Variants in KANK1 observed in about 807,000 individuals in gnomAD.
KANK1 encodes the protein KN motif and ankyrin repeat domain-containing protein 1.
KANK1 carries 109 observed loss-of-function variants against 106.2 expected under a neutral mutation model. The observed-to-expected ratio is 1.03, with a 90% CI of 0.88 to 1.20. The LOEUF (loss-of-function observed/expected upper bound fraction) is 1.20, where lower values mean the gene tolerates loss of function less well. KANK1 is among the 50% of genes most tolerant of loss of function. The probability of loss-of-function intolerance (pLI) is 0.00; values close to 1 mark genes in which losing one functional copy is unlikely to be tolerated. For synonymous variants in KANK1, 873 were observed against 652.2 expected (o/e 1.34, Z -5.16); for missense variants, 2,399 against 1,710.7 (o/e 1.40, Z -7.10).
At chr9:619,583 G>A (rs1050447568) in intron 1 of KANK1, among the ~76,000 whole-genome samples, 23 of 152,112 alleles carry the variant, frequency 1.5e-4, no homozygotes, top group African/African-American at 5.6e-4. Context: ...TAGCTCTTCA[G>A]CATTCATCTA....
chr9:616,484 C>G (rs1280017660), intron 1 of KANK1, among the ~76,000 whole-genome samples: 1 of 152,196 alleles, frequency 6.6e-6, no homozygotes, highest in African/African-American at 2.4e-5. Context: ...AAGCTGCTGT[C>G]TTTACACATA....
rs1222740116 is a variant in KANK1 at position 738,265 on chromosome 9, A to G, written c.3334-20A>G. 6.3e-7 allele frequency: 1 copy of G among 1,599,142 alleles called. No homozygotes were observed. Among genetic ancestry groups the G allele is most frequent in the South Asian group, 1.1e-5 (1 of 89,048 alleles). On this transcript the variant is annotated intron_variant, in intron 7 of 11. Transcript: ENST00000382297. ...AAGTCTATAAATAGAAGAACTAACG[A>G]CCACTTGGTGTTTTGGCAGAGGTTC... is the stretch of plus-strand genomic sequence containing the variant.
At chr9:577,814 G>A (rs906085324) in intron 1 of KANK1, among the ~76,000 whole-genome samples, 11 of 152,148 alleles carry the variant, frequency 7.2e-5, no homozygotes, top group East Asian at 1.9e-4. Context: ...CTGGCTTTAC[G>A]CATGAGAAGT....
intron 1 of KANK1, among the ~76,000 whole-genome samples, chr9:609,184 T>C (rs1830018515): frequency 6.6e-6 from 1 of 152,242 alleles, no homozygotes; most frequent in East Asian, 1.9e-4. Flanking sequence ...ATTATTAAAC[T>C]GCTAATTGCA....
chr9:598,148 G>C (rs986596890), intron 1 of KANK1, among the ~76,000 whole-genome samples: 1 of 151,528 alleles, frequency 6.6e-6, no homozygotes, highest in Non-Finnish European at 1.5e-5. Context: ...AATGGTCTTT[G>C]TACCCTTGTT....
chr9:552,033 G>A (rs1033244299), intron 1 of KANK1, among the ~76,000 whole-genome samples: 14 of 152,144 alleles, frequency 9.2e-5, no homozygotes, highest in African/African-American at 3.4e-4. Flanking sequence ...TCCAGCCTGG[G>A]TAAGTGAGAC....
At chr9:513,091 A>G (rs1367408598) in intron 1 of KANK1, among the ~76,000 whole-genome samples, 1 of 152,236 alleles carries the variant, frequency 6.6e-6, no homozygotes, top group Admixed American at 6.5e-5. Context: ...CACTCCAGCC[A>G]CTAAAAATGG....
intron 1 of KANK1, among the ~76,000 whole-genome samples, chr9:659,169 G>C (rs1369712070): frequency 2.6e-5 from 4 of 152,186 alleles, no homozygotes; most frequent in African/African-American, 9.7e-5. Context: ...TGAGTTCTCA[G>C]TCAATATTTT....
intron 1 of KANK1, among the ~76,000 whole-genome samples, chr9:561,823 G>T (rs1403884000): frequency 1.3e-5 from 2 of 152,158 alleles, no homozygotes; most frequent in Non-Finnish European, 2.9e-5. Flanking sequence ...CACTGTTAAA[G>T]AAAACTGTCA....
intron 1 of KANK1, among the ~76,000 whole-genome samples, chr9:568,461 C>T (rs1271934541): frequency 6.6e-6 from 1 of 152,090 alleles, no homozygotes; most frequent in African/African-American, 2.4e-5. Flanking sequence ...TTTCCTGTCT[C>T]TCCCATAGAG....
intron 1 of KANK1, 87 bp from the exon 2 acceptor site, chr9:676,800 TAGC>T (rs1329171502): frequency 3.4e-6 from 2 of 585,682 alleles, no homozygotes; most frequent in Non-Finnish European, 6.2e-6. Context: ...CTTTCTCTGT[TAGC>T]AGTCATCTTT....
At chr9:568,388 G>C (rs927644914) in intron 1 of KANK1, among the ~76,000 whole-genome samples, 1 of 152,088 alleles carries the variant, frequency 6.6e-6, no homozygotes, top group African/African-American at 2.4e-5. Context: ...AAATTATTAA[G>C]TTTCTGAAAT....
intron 2 of KANK1, among the ~76,000 whole-genome samples, chr9:696,824 C>G (rs777992920): frequency 2.6e-5 from 4 of 152,088 alleles, no homozygotes; most frequent in Non-Finnish European, 4.4e-5. Context: ...TACAGGAAAG[C>G]AAAGCCATCT....
At chr9:645,105 CGG>C (rs1839357722) in intron 1 of KANK1, among the ~76,000 whole-genome samples, 1 of 109,138 alleles carries the variant, frequency 9.2e-6, no homozygotes, top group East Asian at 2.9e-4. Context: ...GCCTCAGCAA[CGG>C]GGCAAGACTC....
intron 1 of KANK1, among the ~76,000 whole-genome samples, chr9:580,120 C>T (rs749648410): frequency 6.6e-6 from 1 of 152,152 alleles, no homozygotes; most frequent in East Asian, 1.9e-4. Context: ...CTGGTAGGTT[C>T]GTGGTCTCAC....
chr9:580,658 C>G (rs921650125), intron 1 of KANK1, among the ~76,000 whole-genome samples: 23 of 152,240 alleles, frequency 1.5e-4, no homozygotes, highest in African/African-American at 5.5e-4. Context: ...CTTAGCTAGA[C>G]ATAAAGGTTC....
At chr9:683,502 A>G (rs1817968840) in intron 2 of KANK1, among the ~76,000 whole-genome samples, 2 of 152,222 alleles carry the variant, frequency 1.3e-5, no homozygotes, top group African/African-American at 4.8e-5. Flanking sequence ...CACACAGCTA[A>G]TGACTAAGCC....
chr9:500,552 A>G (rs1258053783), upstream of KANK1, among the ~76,000 whole-genome samples: 1 of 152,236 alleles, frequency 6.6e-6, no homozygotes, highest in Non-Finnish European at 1.5e-5. Flanking sequence ...TTCATGTTCA[A>G]CTACAGAAAA....
chr9:734,918 C>G (rs1018245482), intron 7 of KANK1, 83 bp downstream of exon 7: 3 of 961,770 alleles, frequency 3.1e-6, no homozygotes, highest in East Asian at 2.4e-5. Context: ...GTAGGCTGCC[C>G]GAGCTGTTGC....
Sources: allele counts gnomAD v4.1 joint callset (sites outside exome capture counted in the v4.1 genomes callset), GRCh38; gene constraint gnomAD v4.1.1; transcripts MANE v1.5; gene names NCBI Gene and HGNC (gene_info 2026-07-23, HGNC 2026-07-21).